EPHX2: variants seen among roughly 807,000 people sequenced by gnomAD.
EPHX2 encodes the protein bifunctional epoxide hydrolase 2.
A neutral mutation model predicts 78.7 loss-of-function variants in EPHX2; 74 were observed. The ratio of observed to expected loss-of-function variants is 0.94; its 90% confidence interval spans 0.78 to 1.14. EPHX2 has a LOEUF of 1.14. Ranked by LOEUF, EPHX2 falls within the 50% of genes most tolerant of loss-of-function variation. The probability of loss-of-function intolerance (pLI) is 0.00; values close to 1 mark genes in which losing one functional copy is unlikely to be tolerated. For missense variants in EPHX2, 715 were observed against 702.5 expected (o/e 1.02, Z -0.20); for synonymous variants, 251 against 255.2 (o/e 0.98, Z 0.16).
chr8:27,511,251 G>C (rs17057291), intron 5 of EPHX2, among the ~76,000 whole-genome samples: 1 of 152,216 alleles, frequency 6.6e-6, no homozygotes, highest in Non-Finnish European at 1.5e-5. Flanking sequence ...AGACCTTTCA[G>C]CAGAGCTGTG....
In EPHX2 at chr8:27,515,016, G is replaced by T. The variant is rs573896429; in HGVS notation, c.736-702G>T. 5.3e-5 allele frequency among the ~76,000 whole-genome samples: 8 copies of T among 152,182 alleles called. No individual in the cohort carries two copies. In the South Asian group the frequency reaches 1.0e-3, roughly 20 times the overall value. ...TATTGAGACAGCCAGGTGGGAGGGGGTCCCCAGAGAAACTCCAAACAGCCT... is the reference window on the plus strand; with the variant it reads ...TATTGAGACAGCCAGGTGGGAGGGGTTCCCCAGAGAAACTCCAAACAGCCT... On this transcript the variant is annotated intron_variant, in intron 6 of 18. Transcript: ENST00000521400.
chr8:27,512,683 A>G (rs1309921415), intron 6 of EPHX2, among the ~76,000 whole-genome samples: 1 of 152,168 alleles, frequency 6.6e-6, no homozygotes, highest in African/African-American at 2.4e-5. Context: ...AAGGATCTAA[A>G]GCAGTGGGTC....
At chr8:27,505,456 C>T (rs1813967809) in intron 4 of EPHX2, among the ~76,000 whole-genome samples, 1 of 152,198 alleles carries the variant, frequency 6.6e-6, no homozygotes, top group South Asian at 2.1e-4. Context: ...GGGAGACTTG[C>T]AAGGCCACAA....
intron 8 of EPHX2, 59 bp downstream of exon 8, chr8:27,516,457 C>A: frequency 4.7e-6 from 7 of 1,498,308 alleles, no homozygotes; most frequent in Non-Finnish European, 6.5e-6. Flanking sequence ...TGCCTGAGCG[C>A]TCCACGCCTC....
At position 27,511,888 on chromosome 8, in the gene EPHX2, G is replaced by A; in HGVS notation, c.713G>A (p.Ser238Asn). Residue 238 changes from serine (S) to asparagine (N), a missense_variant, in exon 6 of 19, where the codon AGC becomes AAC. By Grantham distance (46) the Ser-to-Asn change is conservative. Coordinates refer to ENST00000521400, the MANE Select transcript of EPHX2 (RefSeq NM_001979.6). ...LPTSCNPSDMSHGYVTVKPRV... is the reference protein window; with the variant it reads ...LPTSCNPSDMNHGYVTVKPRV... ...ACCTCTTGCAATCCAAGTGACATGA[G>A]CCATGGGTACGTGACAGTAAAGGTG... is the stretch of plus-strand genomic sequence containing the variant. 5 of 1,614,108 alleles carry A rather than the reference G, an allele frequency of 3.1e-6. No individual in the cohort carries two copies. The highest frequency in any genetic ancestry group is 2.2e-5 in the East Asian group (1 of 44,870).
intron 16 of EPHX2, among the ~76,000 whole-genome samples, chr8:27,542,774 T>G (rs1363143429): frequency 1.3e-5 from 2 of 152,068 alleles, no homozygotes; most frequent in Middle Eastern, 3.2e-3. Flanking sequence ...CCCAAGCAGC[T>G]GGAATTACAG....
intron 2 of EPHX2, among the ~76,000 whole-genome samples, chr8:27,501,458 C>T (rs1477536999): frequency 6.7e-6 from 1 of 150,268 alleles, no homozygotes; most frequent in Non-Finnish European, 1.5e-5. Flanking sequence ...GGCTGGAGTG[C>T]AGTGGCATGA....
Position 27,540,804 on chromosome 8 carries a change from C to T in EPHX2, c.1379+148C>T, listed in dbSNP as rs141010135. 50 of 696,170 alleles carry T rather than the reference C, an allele frequency of 7.2e-5. No individual in the cohort carries two copies. The East Asian group carries it at 1.0e-3, about 14-fold the overall frequency. 43.1% of individuals were successfully genotyped at this position (696,170 alleles called of 1,614,324 possible). On this transcript the variant is annotated intron_variant, in intron 15 of 18. Transcript: ENST00000521400. The stretch of plus-strand genomic sequence containing the variant: ...GCCTCTGCTTCAATGCCTCCAGTGT[C>T]GGGAGGCTCACTACTTTATGGTGCT...
intron 11 of EPHX2, among the ~76,000 whole-genome samples, chr8:27,525,159 G>A (rs1267744567): frequency 6.6e-6 from 1 of 151,162 alleles, no homozygotes; most frequent in African/African-American, 2.4e-5. Context: ...GAGAAATACT[G>A]CAGTTTAGTA....
At position 27,522,427 on chromosome 8, in the gene EPHX2, T is replaced by C; in HGVS notation, c.977T>C (p.Leu326Pro). 3 of 1,613,662 alleles carry C rather than the reference T, an allele frequency of 1.9e-6. No individual in the cohort carries two copies. The highest frequency in any genetic ancestry group is 1.3e-5 in the African/African-American group (1 of 75,008). The change falls in exon 11 of 19, where the codon CTC becomes CCC. Residue 326 changes from leucine (L) to proline (P), a missense_variant. Transcript: ENST00000521400. The stretch of plus-strand genomic sequence containing the variant: ...CCCTTCTTTTTCCTTCTCTAGGGCC[T>C]CTCTCAAGCAGTGTTCATTGGCCAT... ...EMVTFLDKLGLSQAVFIGHDW... is the reference protein window; with the variant it reads ...EMVTFLDKLGPSQAVFIGHDW...
chr8:27,514,168 G>A (rs1190183367), intron 6 of EPHX2, among the ~76,000 whole-genome samples: 1 of 152,056 alleles, frequency 6.6e-6, no homozygotes, highest in Non-Finnish European at 1.5e-5. Flanking sequence ...ATTAGCTGGG[G>A]TGGTGGTATG....
At chr8:27,548,399 T>A (rs1815607945), downstream of EPHX2, among the ~76,000 whole-genome samples, 1 of 152,186 alleles carries the variant, frequency 6.6e-6, no homozygotes. Context: ...TTCAAAGGAC[T>A]CCATCTGGCC....
At chr8:27,530,635 A>G (rs1815005267) in intron 12 of EPHX2, among the ~76,000 whole-genome samples, 1 of 152,138 alleles carries the variant, frequency 6.6e-6, no homozygotes, top group African/African-American at 2.4e-5. Flanking sequence ...ACTATGGATT[A>G]TGTAATCCTC....
At chr8:27,500,866 T>C in intron 1 of EPHX2, 60 bp from the exon 2 acceptor site, 1 of 1,462,284 alleles carries the variant, frequency 6.8e-7, no homozygotes, top group Admixed American at 1.7e-5. Flanking sequence ...CAGTGTCTGT[T>C]TCCATGTGCT....
intron 12 of EPHX2, among the ~76,000 whole-genome samples, chr8:27,525,674 C>G (rs562991865): frequency 6.6e-6 from 1 of 151,928 alleles, no homozygotes; most frequent in African/African-American, 2.4e-5. Flanking sequence ...CGTGTGTGTT[C>G]GGGTGGTGAA....
At chr8:27,509,355 T>C (rs1814147188) in intron 5 of EPHX2, among the ~76,000 whole-genome samples, 1 of 152,216 alleles carries the variant, frequency 6.6e-6, no homozygotes, top group East Asian at 1.9e-4. Context: ...CATGTATCTC[T>C]TTGAGACCCT....
At chr8:27,524,190 C>T (rs987092148) in intron 11 of EPHX2, among the ~76,000 whole-genome samples, 12 of 152,166 alleles carry the variant, frequency 7.9e-5, no homozygotes, top group Admixed American at 1.3e-4. Flanking sequence ...CCATCAGCCT[C>T]CCAAAGTGCT....
At chr8:27,525,618 C>T (rs1814816698) in intron 12 of EPHX2, 145 bp downstream of exon 12, 1 of 762,416 alleles carries the variant, frequency 1.3e-6, no homozygotes, top group Admixed American at 2.2e-5. Flanking sequence ...TCAGGTGAAA[C>T]TGGCTGCCAT....
intron 6 of EPHX2, among the ~76,000 whole-genome samples, chr8:27,512,968 A>G (rs1798539560): frequency 6.6e-6 from 1 of 152,230 alleles, no homozygotes; most frequent in Non-Finnish European, 1.5e-5. Context: ...ACTGGAGGCT[A>G]TGGCTGTGCT....
Sources: gnomAD v4.1 joint callset for allele counts (sites outside exome capture counted in the v4.1 genomes callset) on GRCh38, gnomAD v4.1.1 for gene constraint, MANE v1.5 for transcripts, NCBI Gene and HGNC (gene_info 2026-07-23, HGNC 2026-07-21) for gene names.